FAM13C: variants seen among roughly 807,000 people sequenced by gnomAD.
FAM13C encodes the protein protein FAM13C.
In FAM13C, 37 loss-of-function variants were observed where a neutral mutation model predicts 73.2. The ratio of observed to expected loss-of-function variants is 0.51; its 90% CI spans 0.39 to 0.67. The LOEUF (loss-of-function observed/expected upper bound fraction) is 0.67, where lower values mean the gene tolerates loss of function less well. FAM13C is among the 30% of genes least tolerant of loss of function. FAM13C has a pLI of 0.00. For synonymous variants in FAM13C, 246 were observed against 260.9 expected (o/e 0.94, Z 0.55); for missense variants, 589 against 715.6 (o/e 0.82, Z 2.02).
At chr10:59,321,431 C>CTTTTTTTTTTTTTTTTTTTTT (rs1850255076) in intron 4 of FAM13C, among the ~76,000 whole-genome samples, 1 of 109,856 alleles carries the variant, frequency 9.1e-6, no homozygotes, top group Non-Finnish European at 1.9e-5. Flanking sequence ...CCTGCCAACA[C>CTTTTTTTTTTTTTTTTTTTTT]CTTTTTTTTT....
At chr10:59,291,187 C>T (rs557277829) in intron 5 of FAM13C, among the ~76,000 whole-genome samples, 30 of 152,274 alleles carry the variant, frequency 2.0e-4, no homozygotes, top group Non-Finnish European at 2.6e-4. Context: ...GGTTGGTTCC[C>T]TTGAAAGCTG....
intron 3 of FAM13C, among the ~76,000 whole-genome samples, chr10:59,349,602 C>CAAAAA (rs80331289): frequency 1.8e-4 from 27 of 146,552 alleles, no homozygotes; most frequent in African/African-American, 6.0e-4. Flanking sequence ...ACTAAAAATA[C>CAAAAA]AAAAAAAAAA....
At position 59,247,234 on chromosome 10, in the gene FAM13C, A is replaced by C. The variant is rs772823565; in HGVS notation, c.*380T>G. 4.8e-5 allele frequency: 8 copies of C among 166,770 alleles called. No homozygotes were observed. The highest frequency in any genetic ancestry group is 1.9e-4 in the African/African-American group (8 of 41,870). The allele number at this position is 166,770 out of a possible 1,614,324, so 10.3% of individuals were successfully genotyped here. ...CTCCTATGATTGATTTTTTAAAATCATGCTCTTTTCCATACATCAACATAA... is the reference window on the plus strand; with the variant it reads ...CTCCTATGATTGATTTTTTAAAATCCTGCTCTTTTCCATACATCAACATAA... On this transcript the variant is annotated 3_prime_UTR_variant, in exon 14 of 14. Transcript: ENST00000618804.
chr10:59,362,350 T>C (rs1386709375), intron 1 of FAM13C, 49 bp downstream of exon 1: 12 of 1,601,920 alleles, frequency 7.5e-6, no homozygotes, highest in Non-Finnish European at 1.0e-5. Context: ...CGATAGTTGC[T>C]TCCAGAGAAA....
chr10:59,281,510 A>G (rs1218159967), intron 6 of FAM13C, among the ~76,000 whole-genome samples: 1 of 152,084 alleles, frequency 6.6e-6, no homozygotes, highest in African/African-American at 2.4e-5. Context: ...CTCTTGGGAG[A>G]TCTGAGACAT....
chr10:59,348,637 T>C (rs1174434619), intron 3 of FAM13C, among the ~76,000 whole-genome samples: 2 of 152,160 alleles, frequency 1.3e-5, no homozygotes, highest in Non-Finnish European at 2.9e-5. Flanking sequence ...CCAGACTTCA[T>C]GAATCTTTTT....
chr10:59,343,253 G>C (rs934266952), intron 3 of FAM13C, among the ~76,000 whole-genome samples: 1 of 152,142 alleles, frequency 6.6e-6, no homozygotes, highest in Non-Finnish European at 1.5e-5. Context: ...TCACTGAAGG[G>C]ATGCTTCTAC....
intron 6 of FAM13C, among the ~76,000 whole-genome samples, chr10:59,274,850 T>C (rs1164966434): frequency 6.6e-6 from 1 of 152,230 alleles, no homozygotes; most frequent in East Asian, 1.9e-4. Flanking sequence ...CTGAACAATG[T>C]CCTGCCCAGG....
intron 3 of FAM13C, among the ~76,000 whole-genome samples, chr10:59,339,919 T>C (rs1405391608): frequency 1.3e-5 from 2 of 152,216 alleles, no homozygotes; most frequent in East Asian, 1.9e-4. Flanking sequence ...GTGTTGAAGA[T>C]AGGCTTTTTA....
chr10:59,348,724 T>A (rs182877555), intron 3 of FAM13C, among the ~76,000 whole-genome samples: 14 of 152,268 alleles, frequency 9.2e-5, no homozygotes, highest in African/African-American at 3.4e-4. Context: ...CTGCAACCTC[T>A]GCCTCCCGGG....
At chr10:59,315,822 T>A (rs996970928) in intron 4 of FAM13C, among the ~76,000 whole-genome samples, 1 of 152,180 alleles carries the variant, frequency 6.6e-6, no homozygotes, top group Non-Finnish European at 1.5e-5. Flanking sequence ...ATCCTATGAT[T>A]CCAACACATA....
At chr10:59,337,374 T>G (rs954024216) in intron 3 of FAM13C, among the ~76,000 whole-genome samples, 14 of 152,308 alleles carry the variant, frequency 9.2e-5, no homozygotes, top group Middle Eastern at 3.4e-3. Flanking sequence ...GAAGTAAAGC[T>G]GGAGTGAGAA....
intron 3 of FAM13C, among the ~76,000 whole-genome samples, chr10:59,341,180 G>T (rs638657): frequency 0.042 from 6,387 of 152,108 alleles, 205 homozygotes; most frequent in Non-Finnish European, 0.063. Flanking sequence ...CCCCTACCAC[G>T]CTGGCAAATC....
At chr10:59,264,010 A>G (rs548938882) in intron 9 of FAM13C, 75 bp downstream of exon 9, 1 of 1,347,082 alleles carries the variant, frequency 7.4e-7, no homozygotes, top group Non-Finnish European at 1.1e-6. Flanking sequence ...AATGAATCTA[A>G]AATGCTCTGG....
chr10:59,257,048 A>T (rs948939802), intron 10 of FAM13C, among the ~76,000 whole-genome samples: 3 of 152,184 alleles, frequency 2.0e-5, no homozygotes, highest in Non-Finnish European at 4.4e-5. Flanking sequence ...TAAAACAGCC[A>T]AAGAGAGCTA....
Position 59,273,940 on chromosome 10 carries a change from A to G in FAM13C, c.593-3831T>C, listed in dbSNP as rs373925867. On this transcript the variant is annotated intron_variant, in intron 6 of 13. Coordinates refer to ENST00000618804, the MANE Select transcript of FAM13C (RefSeq NM_198215.4). ...GTAAATCTCTATCTGCAAAAACTTG[A>G]GATGGGGTGCTGAGATGTGTAGATT... 3.9e-4 allele frequency among the ~76,000 whole-genome samples: 59 copies of G among 152,316 alleles called. 1 individual carries two copies. In the South Asian group the frequency reaches 0.012, roughly 31 times the overall value.
rs11006419 is a variant in FAM13C at position 59,262,280 on chromosome 10, G to A, written c.1236+154C>T. Among the ~76,000 whole-genome samples the A allele has an allele frequency of 4.7e-4, 71 of 152,200 alleles. 1 individual carries two copies. In the East Asian group the frequency reaches 8.1e-3, roughly 17 times the overall value. On this transcript the variant is annotated intron_variant, in intron 10 of 13. Coordinates refer to ENST00000618804, the MANE Select transcript of FAM13C (RefSeq NM_198215.4). ...CTGGCATCATGTGGCACTACTGCTC[G>A]TGGCCAGTAACCTGTCAGGAACTCA...
intron 4 of FAM13C, among the ~76,000 whole-genome samples, chr10:59,310,801 G>A (rs1848832900): frequency 6.6e-6 from 1 of 152,164 alleles, no homozygotes; most frequent in African/African-American, 2.4e-5. Flanking sequence ...GTACTTCTCT[G>A]AAGATTAGAA....
At chr10:59,256,873 T>C (rs2452503) in intron 10 of FAM13C, among the ~76,000 whole-genome samples, 115,098 of 152,140 alleles carry the variant, frequency 0.76, 45,386 homozygotes, top group East Asian at 0.9. Context: ...TAATTTTCTC[T>C]TCTGAATTCA....
Sources: allele counts gnomAD v4.1 joint callset (sites outside exome capture counted in the v4.1 genomes callset), GRCh38; gene constraint gnomAD v4.1.1; transcripts MANE v1.5; gene names NCBI Gene and HGNC (gene_info 2026-07-23, HGNC 2026-07-21).